Variants in TNRC18 observed in about 807,000 individuals in gnomAD.
TNRC18 encodes the protein trinucleotide repeat containing 18.
In TNRC18, 69 loss-of-function variants were observed where a neutral mutation model predicts 226.7. That is an observed-to-expected ratio of 0.30 (90% CI 0.25 to 0.37). The LOEUF is 0.37. TNRC18 is among the 10% of genes least tolerant of loss of function. The pLI is 1.00. For missense variants in TNRC18, 4,754 were observed against 4,256.6 expected (o/e 1.12, Z -3.25); for synonymous variants, 2,449 against 1,927.6 (o/e 1.27, Z -7.09).
chr7:5,336,535 A>T (rs985307600), intron 18 of TNRC18, among the ~76,000 whole-genome samples: 1 of 151,764 alleles, frequency 6.6e-6, no homozygotes, highest in Non-Finnish European at 1.5e-5. Context: ...TGAGGTCAAG[A>T]GTTCAAGACC....
chr7:5,352,558 C>T (rs1350630474), intron 16 of TNRC18, among the ~76,000 whole-genome samples: 1 of 152,246 alleles, frequency 6.6e-6, no homozygotes, highest in Non-Finnish European at 1.5e-5. Context: ...CCCCTCCCAG[C>T]AGCCTCCCAG....
chr7:5,330,645 T>C (rs1309810880), intron 19 of TNRC18, among the ~76,000 whole-genome samples: 1 of 152,020 alleles, frequency 6.6e-6, no homozygotes, highest in Admixed American at 6.6e-5. Flanking sequence ...TTAGAACATG[T>C]CTGGGCCTAC....
chr7:5,345,521 C>CCCCCA, intron 18 of TNRC18, 41 bp downstream of exon 18: 1 of 189,874 alleles, frequency 5.3e-6, no homozygotes, highest in Non-Finnish European at 1.1e-5. Context: ...GCGTCCGCCC[C>CCCCCA]TCCCACCCAC....
chr7:5,364,240 GTGAGCTGAGAT>G (rs1225827014), intron 11 of TNRC18, among the ~76,000 whole-genome samples: 1 of 152,092 alleles, frequency 6.6e-6, no homozygotes, highest in Non-Finnish European at 1.5e-5. Flanking sequence ...AGAAGTTGCA[GTGAGCTGAGAT>G]TGAGCCACTC....
chr7:5,377,563 G>A lies in TNRC18; in HGVS notation c.2269C>T (p.Leu757=). 6.3e-7 allele frequency: 1 copy of A among 1,581,902 alleles called. No individual in the cohort carries two copies. The highest frequency in any genetic ancestry group is 1.3e-5 in the African/African-American group (1 of 74,432). The change falls in exon 7 of 30, where the codon CTG becomes TTG. Residue 757 remains leucine (L), a synonymous_variant. Transcript: ENST00000430969. The surrounding 1 kb of genome is among the most constrained non-coding windows in gnomAD (Gnocchi z 5.8). ...GGGTGCAGGCGGGCCAGGTCAGCCA[G>A]CTCCTTACTCTCTCTGGAAGGAGGA... The part of the protein sequence containing the change: ...QEKLLRESKE[L]ADLARLHPTS...
rs1583941758 is a variant in TNRC18, at chr7:5,368,641, G to C, written c.4219+1734C>G. ...GATGGCACCACTGCACTCCAGCCTG[G>C]GTGACAGAGTGAGACTCTGTCTCAA... On this transcript the variant is annotated intron_variant, in intron 11 of 29. Coordinates refer to ENST00000430969, the MANE Select transcript of TNRC18 (RefSeq NM_001080495.3). Among the ~76,000 whole-genome samples the C allele has an allele frequency of 8.5e-5, 6 of 70,870 alleles. No individual in the cohort carries two copies. The East Asian group carries it at 1.5e-3, about 18-fold the overall frequency. The allele number at this position is 70,870 out of a possible 152,430, so 46.5% of individuals were successfully genotyped here. A position where few individuals can be genotyped will look rare whatever the true frequency, so the allele number is the denominator to read the frequency against.
At chr7:5,322,929 A>G (rs1440693390) in intron 21 of TNRC18, among the ~76,000 whole-genome samples, 2 of 152,216 alleles carry the variant, frequency 1.3e-5, no homozygotes, top group African/African-American at 2.4e-5. Flanking sequence ...CCGGGGCCCA[A>G]TGCTGAGCCT....
In TNRC18 at chr7:5,388,082, T is replaced by C. The variant is rs374947108; in HGVS notation, c.1742A>G (p.Glu581Gly). The change falls in exon 5 of 30, where the codon GAG (glutamate) becomes GGG (glycine). Residue 581 changes from glutamate to glycine, a missense_variant. Coordinates refer to ENST00000430969, the MANE Select transcript of TNRC18 (RefSeq NM_001080495.3). The stretch of plus-strand genomic sequence containing the variant: ...TATAAGGCTCTGCATGGCCGAGGCC[T>C]CTCCAGACCCGTGGGCCGCAGAGTG... ...DMHSAAHGSG[E>G]ASAMQSLIKY... 6 of 1,555,096 alleles carry C rather than the reference T, an allele frequency of 3.9e-6. No homozygotes were observed. The highest frequency in any genetic ancestry group is 4.8e-5 in the East Asian group (2 of 41,304).
At chr7:5,375,885 T>C in intron 9 of TNRC18, 149 bp downstream of exon 9, 1 of 756,714 alleles carries the variant, frequency 1.3e-6, no homozygotes, top group Non-Finnish European at 2.1e-6. Context: ...GTTCCACTGC[T>C]GCCTCCTCCA....
intron 29 of TNRC18, 54 bp from the exon 30 acceptor site, chr7:5,308,366 G>A (rs951386968): frequency 2.0e-6 from 3 of 1,515,708 alleles, no homozygotes; most frequent in Non-Finnish European, 2.7e-6. Flanking sequence ...GAGGCCGAGG[G>A]AGCCCCAGGG....
At position 5,389,498 on chromosome 7, in the gene TNRC18, A is replaced by G. The variant is rs1584033943; in HGVS notation, c.488-162T>C. ...AGAAAGAGTCTCGCTCTCCTCACCC[A>G]GGCTGGAGTACAGTGGCGCAACCTT... On this transcript the variant is annotated intron_variant, in intron 4 of 29. Coordinates refer to ENST00000430969, the MANE Select transcript of TNRC18 (RefSeq NM_001080495.3). 9.0e-6 allele frequency: 6 copies of G among 665,342 alleles called. 1 individual carries two copies. The Middle Eastern group carries it at 1.6e-3, about 176-fold the overall frequency. 41.2% of individuals were successfully genotyped at this position (665,342 alleles called of 1,614,324 possible).
chr7:5,394,301 A>G lies in TNRC18; in HGVS notation c.343+139T>C. 1.3e-6 allele frequency: 1 copy of G among 753,468 alleles called. No individual in the cohort carries two copies. The highest frequency in any genetic ancestry group is 2.0e-6 in the Non-Finnish European group (1 of 493,512). The allele number at this position is 753,468 out of a possible 1,614,324, so 46.7% of individuals were successfully genotyped here. On this transcript the variant is annotated intron_variant, in intron 3 of 29. Transcript: ENST00000430969. The surrounding 1 kb of genome is among the most constrained non-coding windows in gnomAD (Gnocchi z 4.5). ...GACAAGAAGAAGCCCTGAGCGTTTGAGAAACAACAGGGAAGCCAGGTGACC... is the reference window on the plus strand; with the variant it reads ...GACAAGAAGAAGCCCTGAGCGTTTGGGAAACAACAGGGAAGCCAGGTGACC...
Position 5,394,475 on chromosome 7 carries a change from G to C in TNRC18, c.308C>G (p.Pro103Arg). 9 of 1,559,212 alleles carry C rather than the reference G, an allele frequency of 5.8e-6. No homozygotes were observed. Among genetic ancestry groups the C allele is most frequent in the Non-Finnish European group, 7.8e-6 (9 of 1,152,904 alleles). ...SFRSPTPSNLPMVQLWAAHAH... is the reference protein window; with the variant it reads ...SFRSPTPSNLRMVQLWAAHAH... ...GTGGGCGGCCCACAGCTGCACCATG[G>C]GCAGGTTGCTAGGGGTTGGGGAGCG... Residue 103 changes from proline (P) to arginine (R), a missense_variant, in exon 3 of 30, where the codon CCC (proline) becomes CGC (arginine). By Grantham distance (103) the Pro-to-Arg change is moderately radical (BLOSUM62 -2). Transcript: ENST00000430969. This position sits in a 1 kb window ranked among gnomAD's most constrained non-coding sequence, Gnocchi z 4.5.
At chr7:5,395,551 C>T (rs1369952644) in intron 2 of TNRC18, among the ~76,000 whole-genome samples, 1 of 152,258 alleles carries the variant, frequency 6.6e-6, no homozygotes, top group Non-Finnish European at 1.5e-5. Context: ...CCTGGCAGGC[C>T]TCTGGGTCAC....
rs1212535788 is a variant in TNRC18 at position 5,413,257 on chromosome 7, G to GCC, written c.187+7801_187+7802dup. 6.6e-5 allele frequency among the ~76,000 whole-genome samples: 10 copies of GCC among 152,240 alleles called. 1 individual carries two copies. The East Asian group carries it at 1.9e-3, about 29-fold the overall frequency. On this transcript the variant is annotated intron_variant, in intron 2 of 29. Transcript: ENST00000430969. ...GGTTCATGCCGGGGAGCCAAGAGCA[G>GCC]CCCCCGCCAGCCACATCCAAAACAA... is the stretch of plus-strand genomic sequence containing the variant.
At chr7:5,311,701 C>A (rs912723160) in intron 27 of TNRC18, among the ~76,000 whole-genome samples, 2 of 152,058 alleles carry the variant, frequency 1.3e-5, no homozygotes, top group Admixed American at 1.3e-4. Context: ...GTCTGTAATC[C>A]CAGCTACTCA....
At position 5,421,468 on chromosome 7, in the gene TNRC18, C is replaced by T. The variant is rs1782583016; in HGVS notation, c.-222G>A. 6.4e-6 allele frequency: 1 copy of T among 156,716 alleles called. No individual in the cohort carries two copies. The highest frequency in any genetic ancestry group is 1.4e-5 in the Non-Finnish European group (1 of 73,234). 9.7% of individuals were successfully genotyped at this position (156,716 alleles called of 1,614,324 possible). A position where few individuals can be genotyped will look rare whatever the true frequency, so the allele number is the denominator to read the frequency against. On this transcript the variant is annotated 5_prime_UTR_variant, in exon 2 of 30. Transcript: ENST00000430969. ...CCCTCCGGGCGGCCAGGCGGAGCTG[C>T]GCGAGGCGGCGCACACGGCGTCTTG...
intron 1 of TNRC18, among the ~76,000 whole-genome samples, chr7:5,422,489 G>A (rs949539577): frequency 6.6e-6 from 1 of 152,220 alleles, no homozygotes; most frequent in African/African-American, 2.4e-5. Flanking sequence ...TCGTGAGGAT[G>A]GGAGGGGGTC....
Position 5,370,693 on chromosome 7 carries a change from C to T in TNRC18, c.3901G>A (p.Gly1301Arg), listed in dbSNP as rs780213464. 2.9e-5 allele frequency: 46 copies of T among 1,611,064 alleles called. 1 individual carries two copies. Among genetic ancestry groups the T allele is most frequent in the East Asian group, 2.2e-5 (1 of 44,812 alleles). Residue 1301 changes from glycine (G) to arginine (R), a missense_variant, in exon 11 of 30, where the codon GGG (glycine) becomes AGG (arginine). Physicochemically the swap from Gly to Arg is moderately radical, Grantham distance 125 (BLOSUM62 -2). Transcript: ENST00000430969. ...TCCAGGCTCGGGCACTGTCCCTCCC[C>T]GGCGGGCACGTCACAGTCTGACATT... ...LEMSDCDVPA[G>R]EGQCPSLEPQ... is the part of the protein sequence containing the mutation.
Sources: gnomAD v4.1 joint callset for allele counts (sites outside exome capture counted in the v4.1 genomes callset) on GRCh38, gnomAD v4.1.1 for gene constraint, Gnocchi (gnomAD v3.1) non-coding constraint, MANE v1.5 for transcripts, NCBI Gene and HGNC (gene_info 2026-07-23, HGNC 2026-07-21) for gene names.